Variants in TMEM232 observed in about 807,000 individuals in gnomAD.
The protein encoded by TMEM232 is transmembrane protein 232.
TMEM232 carries 80 observed loss-of-function variants against 78.8 expected under a neutral mutation model. That is an observed-to-expected ratio of 1.01 (90% CI 0.85 to 1.22). The LOEUF (loss-of-function observed/expected upper bound fraction) is 1.22, where lower values mean the gene tolerates loss of function less well. Among genes scored for constraint, TMEM232 ranks in the 50% most tolerant of loss-of-function variants. The pLI is 0.00. For synonymous variants in TMEM232, 297 were observed against 254.3 expected (o/e 1.17, Z -1.60); for missense variants, 881 against 742.2 (o/e 1.19, Z -2.17).
intron 12 of TMEM232, among the ~76,000 whole-genome samples, chr5:110,427,459 T>C (rs1757366077): frequency 6.6e-6 from 1 of 151,950 alleles, no homozygotes; most frequent in Non-Finnish European, 1.5e-5. Flanking sequence ...TTTGTCGGCA[T>C]TAAATGAGAT....
At chr5:110,654,263 T>C (rs1365108324) in intron 2 of TMEM232, among the ~76,000 whole-genome samples, 1 of 152,188 alleles carries the variant, frequency 6.6e-6, no homozygotes, top group Non-Finnish European at 1.5e-5. Flanking sequence ...CTAAGGATTT[T>C]AAATAAAATG....
intron 12 of TMEM232, among the ~76,000 whole-genome samples, chr5:110,446,887 T>A (rs1369922770): frequency 1.3e-5 from 2 of 151,950 alleles, no homozygotes; most frequent in African/African-American, 2.4e-5. Context: ...CTGAAAAAAT[T>A]CTGGGTATAA....
chr5:110,513,841 T>A (rs1052710955), intron 12 of TMEM232: 2 of 168,356 alleles, frequency 1.2e-5, no homozygotes, highest in Non-Finnish European at 2.9e-5. Flanking sequence ...ATTAGGTTGG[T>A]GCAAAAGTAA....
At chr5:110,738,541 T>G (rs376247108), upstream of TMEM232, among the ~76,000 whole-genome samples, 464 of 152,164 alleles carry the variant, frequency 3.0e-3, 3 homozygotes, top group African/African-American at 0.011. Context: ...GTACCATATC[T>G]CTCAATAGAT....
chr5:110,545,793 G>C (rs929856589), intron 11 of TMEM232, among the ~76,000 whole-genome samples: 1 of 152,054 alleles, frequency 6.6e-6, no homozygotes, highest in Non-Finnish European at 1.5e-5. Flanking sequence ...CATTTTAGCT[G>C]TACATATTTC....
At chr5:110,634,716 T>G (rs1785574550) in intron 5 of TMEM232, among the ~76,000 whole-genome samples, 1 of 151,882 alleles carries the variant, frequency 6.6e-6, no homozygotes, top group Admixed American at 6.6e-5. Context: ...AAGAAGGGTG[T>G]TTATAGCAAT....
chr5:110,424,833 AT>A lies in TMEM232; in HGVS notation c.1786del (p.Ile596LeufsTer9). On this transcript the variant is annotated frameshift_variant, in exon 13 of 14. Transcript: ENST00000455884. LOFTEE classifies it low-confidence loss of function (END_TRUNC). ...TKADKELAKIIDHHWQEELKI... is the reference protein window; with the variant it reads ...TKADKELAKIXDHHWQEELKI... ...AAAAATCAATCTTACGTGATGGTCA[AT>A]GATTTTTGCCAACTCTTTATCTGCC... 6.5e-7 allele frequency: 1 copy of A among 1,548,802 alleles called. No homozygotes were observed. The highest frequency in any genetic ancestry group is 8.7e-7 in the Non-Finnish European group (1 of 1,145,478).
intron 12 of TMEM232, among the ~76,000 whole-genome samples, chr5:110,477,669 AC>A (rs1469032045): frequency 6.6e-6 from 1 of 151,840 alleles, no homozygotes; most frequent in East Asian, 1.9e-4. Flanking sequence ...GTTTCCTAAA[AC>A]ATCTGTATCT....
intron 12 of TMEM232, among the ~76,000 whole-genome samples, chr5:110,522,866 G>A (rs1292574037): frequency 6.6e-6 from 1 of 152,066 alleles, no homozygotes; most frequent in Non-Finnish European, 1.5e-5. Flanking sequence ...AGTTATTGGT[G>A]TATAATTCTC....
chr5:110,662,339 A>G (rs1050420835), intron 2 of TMEM232, among the ~76,000 whole-genome samples: 1 of 152,178 alleles, frequency 6.6e-6, no homozygotes, highest in Non-Finnish European at 1.5e-5. Flanking sequence ...AAGCAGTAAA[A>G]CTGTATTGAG....
downstream of TMEM232, among the ~76,000 whole-genome samples, chr5:110,418,360 G>A (rs952139089): frequency 3.6e-5 from 4 of 109,964 alleles, no homozygotes; most frequent in Non-Finnish European, 7.9e-5. Context: ...GTTGGCAGAA[G>A]GCGTAACTAG....
At chr5:110,715,639 C>T (rs996142875) in intron 1 of TMEM232, among the ~76,000 whole-genome samples, 8 of 152,070 alleles carry the variant, frequency 5.3e-5, no homozygotes, top group African/African-American at 1.2e-4. Context: ...ATTCTAAGCC[C>T]GCTTCGACCC....
At chr5:110,416,442 G>A (rs370877071), downstream of TMEM232, among the ~76,000 whole-genome samples, 21 of 152,300 alleles carry the variant, frequency 1.4e-4, no homozygotes, top group African/African-American at 4.6e-4. Flanking sequence ...GAGATGTGAA[G>A]AAGAATGAAG....
At chr5:110,605,404 A>C in intron 9 of TMEM232, 46 bp from the exon 10 acceptor site, 2 of 1,508,108 alleles carry the variant, frequency 1.3e-6, no homozygotes, top group Non-Finnish European at 8.9e-7. Context: ...ATATCTTTGC[A>C]TATCAATAAC....
intron 2 of TMEM232, among the ~76,000 whole-genome samples, chr5:110,657,624 G>C (rs1315908245): frequency 2.0e-5 from 3 of 152,194 alleles, no homozygotes; most frequent in Non-Finnish European, 4.4e-5. Flanking sequence ...ACTGGGAGAG[G>C]TTGGTCAATG....
intron 1 of TMEM232, among the ~76,000 whole-genome samples, chr5:110,687,118 C>A (rs1219445548): frequency 6.6e-6 from 1 of 152,108 alleles, no homozygotes; most frequent in Non-Finnish European, 1.5e-5. Flanking sequence ...ACCTTTCTTC[C>A]CCCTGAGAAA....
At chr5:110,541,041 T>C (rs1433655050) in intron 11 of TMEM232, among the ~76,000 whole-genome samples, 2 of 152,096 alleles carry the variant, frequency 1.3e-5, no homozygotes, top group African/African-American at 4.8e-5. Context: ...GAACAGCTAA[T>C]ACAGGAGCAA....
At position 110,602,533 on chromosome 5, in the gene TMEM232, T is replaced by C. The variant is rs140334589; in HGVS notation, c.1276+2576A>G. Among the ~76,000 whole-genome samples the C allele has an allele frequency of 2.6e-4, 40 of 151,904 alleles. No individual in the cohort carries two copies. In the East Asian group the frequency reaches 7.4e-3, roughly 28 times the overall value. ...AACATTTATGTGGCCAAAACAAGCA[T>C]ATGAAAAAAAGCTCATCATCACTGG... On this transcript the variant is annotated intron_variant, in intron 10 of 13. Transcript: ENST00000455884.
At chr5:110,674,754 T>C (rs184361117) in intron 1 of TMEM232, among the ~76,000 whole-genome samples, 10 of 152,330 alleles carry the variant, frequency 6.6e-5, no homozygotes, top group Admixed American at 2.0e-4. Flanking sequence ...TCAGCACTGG[T>C]CGACCACATC....
Sources: allele counts gnomAD v4.1 joint callset (sites outside exome capture counted in the v4.1 genomes callset), GRCh38; gene constraint gnomAD v4.1.1; transcripts MANE v1.5; gene names NCBI Gene and HGNC (gene_info 2026-07-23, HGNC 2026-07-21).